LAMB3: variants seen among roughly 807,000 people sequenced by gnomAD.
The protein encoded by LAMB3 is laminin subunit beta-3.
A neutral mutation model predicts 140.3 loss-of-function variants in LAMB3; 104 were observed. The ratio of observed to expected loss-of-function variants is 0.74; its 90% CI spans 0.63 to 0.87. The LOEUF is 0.87. Ranked by LOEUF, LAMB3 falls within the 40% of genes least tolerant of loss-of-function variation. The pLI, the probability that LAMB3 is intolerant of heterozygous loss-of-function variation, is 0.00. For synonymous variants in LAMB3, 592 were observed against 602.9 expected (o/e 0.98, Z 0.26); for missense variants, 1,531 against 1,575.2 (o/e 0.97, Z 0.47).
intron 12 of LAMB3, 84 bp from the exon 13 acceptor site, chr1:209,627,062 G>A: frequency 9.8e-7 from 1 of 1,021,508 alleles, no homozygotes; most frequent in Non-Finnish European, 1.5e-6. Flanking sequence ...CTAGATTCCT[G>A]GTCCACAGGT....
At chr1:209,621,102 C>G (rs1368216832) in intron 18 of LAMB3, among the ~76,000 whole-genome samples, 2 of 152,226 alleles carry the variant, frequency 1.3e-5, no homozygotes, top group Non-Finnish European at 2.9e-5. Context: ...CCTGGCAGCT[C>G]CCTGTCTGTT....
Position 209,615,309 on chromosome 1 carries a change from T to A in LAMB3, c.3481A>T (p.Ile1161Phe). Residue 1161 changes from isoleucine to phenylalanine, a missense_variant, in exon 23 of 23, where the codon ATC becomes TTC. Transcript: ENST00000356082. ...GCATAGTAGAGCACGCGCCCATTGATGTGGTCACGGATCTGCTCCACACGC... is the reference window on the plus strand; with the variant it reads ...GCATAGTAGAGCACGCGCCCATTGAAGTGGTCACGGATCTGCTCCACACGC... ...EKRVEQIRDH[I>F]NGRVLYYATC... is the part of the protein sequence containing the mutation. 1 of 1,614,178 alleles carries A rather than the reference T, an allele frequency of 6.2e-7. No homozygotes were observed. The highest frequency in any genetic ancestry group is 8.5e-7 in the Non-Finnish European group (1 of 1,180,014).
At position 209,630,658 on chromosome 1, in the gene LAMB3, C is replaced by T. The variant is rs1666649141; in HGVS notation, c.900G>A (p.Arg300=). ...CCTGGCCCTCCGCCGGTCTCCAGGG[C>T]CGGTTGTTGTAGAAGGGTGCACAGC... ...CERCAPFYNN[R]PWRPAEGQDA... Residue 300 remains arginine, a synonymous_variant, in exon 9 of 23, where the codon CGG becomes CGA. Transcript: ENST00000356082. 6.2e-7 allele frequency: 1 copy of T among 1,614,124 alleles called. No homozygotes were observed.
chr1:209,623,088 C>A lies in LAMB3; in HGVS notation c.2450G>T (p.Arg817Leu). ...PQDNGTACGS[R>L]CRGVLPRAGG... ...GGCCCTGGGAAGGACACCCCTGCAG[C>A]GGGAGCCACAGGCTGTGCCATTGTC... The change falls in exon 17 of 23, where the codon CGC becomes CTC. Residue 817 changes from arginine (R) to leucine (L), a missense_variant. By Grantham distance (102) the Arg-to-Leu change is moderately radical. Coordinates refer to ENST00000356082, the MANE Select transcript of LAMB3 (RefSeq NM_000228.3). This position sits in a 1 kb window ranked among gnomAD's most constrained non-coding sequence, Gnocchi z 4.2. 1 of 1,614,202 alleles carries A rather than the reference C, an allele frequency of 6.2e-7. No homozygotes were observed. Among genetic ancestry groups the A allele is most frequent in the Non-Finnish European group, 8.5e-7 (1 of 1,180,038 alleles).
chr1:209,623,574 G>A lies in LAMB3; in HGVS notation c.2289C>T (p.Gly763=). 1.2e-6 allele frequency: 2 copies of A among 1,614,218 alleles called. No homozygotes were observed. Among genetic ancestry groups the A allele is most frequent in the East Asian group, 2.2e-5 (1 of 44,878 alleles). The part of the protein sequence containing the change: ...VRQAGGGGGT[G]SPKLVALRLE... Reference sequence around the variant, plus strand: ...GCCTCAGGGCCACAAGCTTGGGGCTGCCGGTGCCTCCTCCTCCTCCCGCCT... The same window carrying A: ...GCCTCAGGGCCACAAGCTTGGGGCTACCGGTGCCTCCTCCTCCTCCCGCCT... The change falls in exon 16 of 23, where the codon GGC becomes GGT. Residue 763 remains glycine, a synonymous_variant. Coordinates refer to ENST00000356082, the MANE Select transcript of LAMB3 (RefSeq NM_000228.3). This position sits in a 1 kb window ranked among gnomAD's most constrained non-coding sequence, Gnocchi z 4.2.
At position 209,622,621 on chromosome 1, in the gene LAMB3, G is replaced by C; in HGVS notation, c.2616C>G (p.Thr872=). The C allele has an allele frequency of 1.9e-6, 3 of 1,614,132 alleles. No homozygotes were observed. Among genetic ancestry groups the C allele is most frequent in the Non-Finnish European group, 2.5e-6 (3 of 1,180,010 alleles). Residue 872 remains threonine, a synonymous_variant, in exon 18 of 23, where the codon ACC becomes ACG. Transcript: ENST00000356082. The stretch of plus-strand genomic sequence containing the variant: ...TCTGGGAGCGGCTGGCGCTCACCTG[G>C]GTCTCCAAGCGCTGGGCACTGGATT... The part of the protein sequence containing the change: ...QIQSSAQRLE[T]QVSASRSQME...
At position 209,618,230 on chromosome 1, in the gene LAMB3, C is replaced by G. The variant is rs571787149; in HGVS notation, c.2910-182G>C. On this transcript the variant is annotated intron_variant, in intron 19 of 22. Coordinates refer to ENST00000356082, the MANE Select transcript of LAMB3 (RefSeq NM_000228.3). ...CCACCAAGCAGACGTGATGAATGTT[C>G]CCATTATGCCCAAGACACCTTCTGG... Among the ~76,000 whole-genome samples the G allele has an allele frequency of 1.6e-4, 25 of 152,346 alleles. 1 individual carries two copies. The South Asian group carries it at 5.2e-3, about 32-fold the overall frequency.
Position 209,649,975 on chromosome 1 carries a change from G to T in LAMB3, c.172C>A (p.Gln58Lys). The T allele has an allele frequency of 1.9e-6, 3 of 1,614,192 alleles. No individual in the cohort carries two copies. Among genetic ancestry groups the T allele is most frequent in the Non-Finnish European group, 2.5e-6 (3 of 1,180,040 alleles). ...GAAGTAGGGCCTACCTCGCCATACT[G>T]GGTGCAGTAGGTCTCAGGCTTGGTC... Reference protein sequence around the residue: ...GLTKPETYCTQYGEWQMKCCK... With the variant: ...GLTKPETYCTKYGEWQMKCCK... The change falls in exon 3 of 23, where the codon CAG becomes AAG. Residue 58 changes from glutamine to lysine, a missense_variant. Coordinates refer to ENST00000356082, the MANE Select transcript of LAMB3 (RefSeq NM_000228.3).
At position 209,616,459 on chromosome 1, in the gene LAMB3, C is replaced by T; in HGVS notation, c.3382+12G>A. The T allele has an allele frequency of 6.2e-7, 1 of 1,613,992 alleles. No individual in the cohort carries two copies. The highest frequency in any genetic ancestry group is 8.5e-7 in the Non-Finnish European group (1 of 1,179,908). On this transcript the variant is annotated intron_variant, in intron 22 of 22. Transcript: ENST00000356082. ...ATGCCCAATAGTCCATGCCCCTAAA[C>T]CATTCCCTCACCTTTCATCCTGTCC...
In LAMB3 at chr1:209,623,033, C is replaced by A. The variant is rs1329745037; in HGVS notation, c.2505G>T (p.Val835=). The change falls in exon 17 of 23, where the codon GTG becomes GTT. Residue 835 remains valine, a synonymous_variant. Transcript: ENST00000356082. This position sits in a 1 kb window ranked among gnomAD's most constrained non-coding sequence, Gnocchi z 4.2. ...CATTGAAGCCCCGCAGCTGCTCAGC[C>A]ACCTGCCCCGCCATCAAGAAGGCCC... is the stretch of plus-strand genomic sequence containing the variant. ...AGGAFLMAGQ[V]AEQLRGFNAQ... 10 of 1,613,922 alleles carry A rather than the reference C, an allele frequency of 6.2e-6. No individual in the cohort carries two copies. The highest frequency in any genetic ancestry group is 8.5e-6 in the Non-Finnish European group (10 of 1,180,032).
Position 209,638,660 on chromosome 1 carries a change from G to A in LAMB3, c.184-12C>T, listed in dbSNP as rs1057150615. 3 of 1,567,904 alleles carry A rather than the reference G, an allele frequency of 1.9e-6. No homozygotes were observed. The highest frequency in any genetic ancestry group is 2.7e-5 in the African/African-American group (2 of 74,030). ...CATTTCATCTGCCACTGTGGGAGAG[G>A]GAGATAGCAGACACTCAGAGGTGGG... On this transcript the variant is annotated splice_polypyrimidine_tract_variant and intron_variant, in intron 3 of 22. Transcript: ENST00000356082.
intron 10 of LAMB3, among the ~76,000 whole-genome samples, chr1:209,629,301 C>T (rs187129471): frequency 3.9e-4 from 60 of 152,256 alleles, no homozygotes; most frequent in African/African-American, 1.4e-3. Flanking sequence ...AAATAATCCT[C>T]GCCATGGAGG....
rs1213074226 is a variant in LAMB3, at chr1:209,630,662, T to A, written c.896A>T (p.Asn299Ile). 3 of 1,613,884 alleles carry A rather than the reference T, an allele frequency of 1.9e-6. No homozygotes were observed. Among genetic ancestry groups the A allele is most frequent in the Admixed American group, 3.3e-5 (2 of 59,990 alleles). ...NCERCAPFYNNRPWRPAEGQD... is the reference protein window; with the variant it reads ...NCERCAPFYNIRPWRPAEGQD... ...GCCCTCCGCCGGTCTCCAGGGCCGG[T>A]TGTTGTAGAAGGGTGCACAGCGCTC... Residue 299 changes from asparagine to isoleucine, a missense_variant, in exon 9 of 23, where the codon AAC becomes ATC. Transcript: ENST00000356082.
intron 17 of LAMB3, 101 bp downstream of exon 17, chr1:209,622,881 A>G: frequency 9.7e-6 from 14 of 1,439,362 alleles, no homozygotes; most frequent in Non-Finnish European, 1.4e-5. Context: ...GTCACCTAAA[A>G]TCTCTGGACT....
rs377744457 is a variant in LAMB3 at position 209,625,746 on chromosome 1, A to C, written c.1878T>G (p.Asp626Glu). Residue 626 changes from aspartate (D) to glutamate (E), a missense_variant, in exon 14 of 23, where the codon GAT becomes GAG. Physicochemically the swap from Asp to Glu is conservative, Grantham distance 45. Coordinates refer to ENST00000356082, the MANE Select transcript of LAMB3 (RefSeq NM_000228.3). ...GGATCTGCTCAATCTTACTCTTTGC[A>C]TCTAGGATCCGGGAGGCCAGGCCAC... The part of the protein sequence containing the change: ...EDRGLASRIL[D>E]AKSKIEQIRA... The C allele has an allele frequency of 9.3e-6, 15 of 1,613,836 alleles. No individual in the cohort carries two copies. Among genetic ancestry groups the C allele is most frequent in the African/African-American group, 6.7e-5 (5 of 74,850 alleles).
chr1:209,643,497 C>T (rs1037582997), intron 3 of LAMB3, among the ~76,000 whole-genome samples: 2 of 152,228 alleles, frequency 1.3e-5, no homozygotes, highest in Non-Finnish European at 2.9e-5. Context: ...TCTCCCTTAT[C>T]CTAGAGCTTT....
At chr1:209,644,863 C>T (rs1194635197) in intron 3 of LAMB3, among the ~76,000 whole-genome samples, 1 of 152,158 alleles carries the variant, frequency 6.6e-6, no homozygotes, top group African/African-American at 2.4e-5. Flanking sequence ...GCTACAGACC[C>T]TCATATGGCA....
At chr1:209,640,972 A>G (rs1381000399) in intron 3 of LAMB3, among the ~76,000 whole-genome samples, 1 of 151,468 alleles carries the variant, frequency 6.6e-6, no homozygotes, top group Non-Finnish European at 1.5e-5. Context: ...AGTCCCAGCT[A>G]CTCTGGAGGC....
intron 19 of LAMB3, 30 bp from the exon 20 acceptor site, chr1:209,618,078 A>G: frequency 1.2e-6 from 2 of 1,613,682 alleles, no homozygotes; most frequent in Non-Finnish European, 8.5e-7. Context: ...GGGAGAGGAG[A>G]GAGAGAATGA....
Sources: gnomAD v4.1 joint callset for allele counts (sites outside exome capture counted in the v4.1 genomes callset) on GRCh38, gnomAD v4.1.1 for gene constraint, Gnocchi (gnomAD v3.1) non-coding constraint, MANE v1.5 for transcripts, NCBI Gene and HGNC (gene_info 2026-07-23, HGNC 2026-07-21) for gene names.